Variants in CCDC171 observed in about 807,000 individuals in gnomAD.
CCDC171 encodes coiled-coil domain containing 171.
In CCDC171, 177 loss-of-function variants were observed where a neutral mutation model predicts 168.2. The observed-to-expected ratio is 1.05, with a 90% CI of 0.93 to 1.19. The LOEUF (loss-of-function observed/expected upper bound fraction) is 1.19. Ranked by LOEUF, CCDC171 falls within the 50% of genes most tolerant of loss-of-function variation. CCDC171 has a pLI of 0.00. For missense variants in CCDC171, 1,991 were observed against 1,539.0 expected (o/e 1.29, Z -4.91); for synonymous variants, 687 against 540.8 (o/e 1.27, Z -3.75).
At chr9:15,930,730 G>A (rs186424091) in intron 25 of CCDC171, among the ~76,000 whole-genome samples, 7 of 151,738 alleles carry the variant, frequency 4.6e-5, no homozygotes, top group Non-Finnish European at 1.0e-4. Context: ...TTTCCTTGAA[G>A]TCTTCCCTCA....
At chr9:15,557,414 T>C (rs12336445) in intron 1 of CCDC171, among the ~76,000 whole-genome samples, 8,305 of 152,080 alleles carry the variant, frequency 0.055, 283 homozygotes, top group African/African-American at 0.086. Context: ...TCTTTTATTT[T>C]GTTGAGCAGT....
intron 7 of CCDC171, among the ~76,000 whole-genome samples, chr9:15,623,646 A>C (rs10756679): frequency 1.8e-4 from 27 of 152,004 alleles, no homozygotes; most frequent in Admixed American, 8.5e-4. Context: ...GTTTTGCCCT[A>C]GTTTAAAAAA....
At chr9:15,797,692 G>A (rs1329147118) in intron 21 of CCDC171, among the ~76,000 whole-genome samples, 1 of 151,874 alleles carries the variant, frequency 6.6e-6, no homozygotes, top group African/African-American at 2.4e-5. Flanking sequence ...TTTTGATGAA[G>A]TATCCATATT....
chr9:15,702,236 A>G (rs902620812), intron 11 of CCDC171, among the ~76,000 whole-genome samples: 1 of 152,068 alleles, frequency 6.6e-6, no homozygotes, highest in Non-Finnish European at 1.5e-5. Flanking sequence ...AGCTGTTCCA[A>G]CTTGTCATCC....
At chr9:15,835,730 A>G (rs887297825) in intron 21 of CCDC171, among the ~76,000 whole-genome samples, 2 of 152,146 alleles carry the variant, frequency 1.3e-5, no homozygotes, top group Non-Finnish European at 2.9e-5. Context: ...CCTGGCTGTC[A>G]GTTGCATTTT....
chr9:15,916,972 T>A (rs1340444423), intron 24 of CCDC171, among the ~76,000 whole-genome samples: 3 of 151,968 alleles, frequency 2.0e-5, no homozygotes, highest in Admixed American at 6.6e-5. Flanking sequence ...CTGGACTTGC[T>A]GTATATAATA....
At chr9:15,630,430 G>C (rs1428236112) in intron 7 of CCDC171, among the ~76,000 whole-genome samples, 1 of 152,138 alleles carries the variant, frequency 6.6e-6, no homozygotes, top group African/African-American at 2.4e-5. Flanking sequence ...AGACAAAGAA[G>C]GCCATTACAT....
chr9:16,101,979 TAAA>T, the CCDC171 span, among the ~76,000 whole-genome samples: 1 of 152,228 alleles, frequency 6.6e-6, no homozygotes, highest in African/African-American at 2.4e-5. Context: ...CTTTGAGGTA[TAAA>T]AATACACGTT....
chr9:16,093,777 G>C, the CCDC171 span, among the ~76,000 whole-genome samples: 1 of 152,160 alleles, frequency 6.6e-6, no homozygotes, highest in African/African-American at 2.4e-5. Flanking sequence ...CAACATAAGT[G>C]AGTACCCTGC....
At chr9:15,775,060 A>G (rs1219636148) in intron 18 of CCDC171, among the ~76,000 whole-genome samples, 4 of 151,988 alleles carry the variant, frequency 2.6e-5, no homozygotes, top group Admixed American at 2.6e-4. Context: ...TAAAATATTT[A>G]TTCATGTAAC....
chr9:16,076,431 C>G, the CCDC171 span, among the ~76,000 whole-genome samples: 147 of 152,286 alleles, frequency 9.7e-4, no homozygotes, highest in African/African-American at 3.2e-3. Context: ...TGCTGTTCTT[C>G]CAGGTTGATT....
At chr9:15,609,203 G>A (rs559640698) in intron 6 of CCDC171, among the ~76,000 whole-genome samples, 6 of 151,554 alleles carry the variant, frequency 4.0e-5, no homozygotes, top group Non-Finnish European at 7.4e-5. Flanking sequence ...GGGTTCAAGC[G>A]ATTCTCCTGC....
chr9:15,908,916 T>C (rs557631192), intron 24 of CCDC171, among the ~76,000 whole-genome samples: 4 of 152,244 alleles, frequency 2.6e-5, no homozygotes, highest in Admixed American at 2.6e-4. Context: ...CTTCCAGCAC[T>C]GGGGATTACA....
chr9:15,952,199 G>A (rs10810502), intron 25 of CCDC171, among the ~76,000 whole-genome samples: 47,305 of 151,984 alleles, frequency 0.31, 9,155 homozygotes, highest in East Asian at 0.61. Flanking sequence ...ATTATCTGAT[G>A]CTTTACTTCT....
At chr9:15,722,033 G>A (rs1182237492) in intron 12 of CCDC171, among the ~76,000 whole-genome samples, 158 bp downstream of exon 12, 2 of 152,176 alleles carry the variant, frequency 1.3e-5, no homozygotes, top group African/African-American at 4.8e-5. Flanking sequence ...CTTTCTTTAA[G>A]TGTGGCCTAA....
At chr9:15,578,772 C>T in intron 3 of CCDC171, 77 bp from the exon 4 acceptor site, 1 of 1,199,444 alleles carries the variant, frequency 8.3e-7, no homozygotes, top group Non-Finnish European at 1.2e-6. Flanking sequence ...AAACAAGTTT[C>T]TCTAAGAAAC....
chr9:16,024,115 T>TA (rs1833229497), intron 6 of CCDC171, among the ~76,000 whole-genome samples: 1 of 152,008 alleles, frequency 6.6e-6, no homozygotes, highest in Admixed American at 6.6e-5. Flanking sequence ...GGCAAGGAAA[T>TA]AGAGTCTCAC....
rs946680536 is a variant in CCDC171, at chr9:15,833,048, C to T, written c.3268-13654C>T. ...TGTTGCCCAGGCTGGAATGCAGTGGCGCGATTTCGGCTCACTGCAACCTCC... is the reference window on the plus strand; with the variant it reads ...TGTTGCCCAGGCTGGAATGCAGTGGTGCGATTTCGGCTCACTGCAACCTCC... On this transcript the variant is annotated intron_variant, in intron 21 of 25. Transcript: ENST00000380701. 8.6e-5 allele frequency among the ~76,000 whole-genome samples: 12 copies of T among 140,186 alleles called. No individual in the cohort carries two copies. In the South Asian group the frequency reaches 1.6e-3, roughly 18 times the overall value. The allele number at this position is 140,186 out of a possible 152,430, so 92.0% of individuals were successfully genotyped here.
chr9:15,775,535 G>A (rs1258494754), intron 18 of CCDC171, among the ~76,000 whole-genome samples: 1 of 152,122 alleles, frequency 6.6e-6, no homozygotes, highest in South Asian at 2.1e-4. Flanking sequence ...AGCCAGGATG[G>A]TCTCGATCTC....
Sources: allele counts gnomAD v4.1 joint callset (sites outside exome capture counted in the v4.1 genomes callset), GRCh38; gene constraint gnomAD v4.1.1; transcripts MANE v1.5; gene names NCBI Gene and HGNC (gene_info 2026-07-23, HGNC 2026-07-21).